The following HS3ST3A1 variants were observed in gnomAD, a reference collection of about 807,000 sequenced individuals.
HS3ST3A1 encodes the protein heparan sulfate glucosamine 3-O-sulfotransferase 3A1.
A neutral mutation model predicts 25.7 loss-of-function variants in HS3ST3A1; 19 were observed. The ratio of observed to expected loss-of-function variants is 0.74; its 90% CI spans 0.52 to 1.08. HS3ST3A1 has a LOEUF of 1.08. Ranked by LOEUF, HS3ST3A1 falls within the 50% of genes least tolerant of loss-of-function variation. The pLI is 0.00. For missense variants in HS3ST3A1, 459 were observed against 594.3 expected, an observed-to-expected ratio of 0.77 and a Z score of 2.37; for synonymous variants, 226 against 278.6, an observed-to-expected ratio of 0.81 and a Z score of 1.88.
intron 1 of HS3ST3A1, among the ~76,000 whole-genome samples, chr17:13,582,512 A>G (rs2142383888): frequency 6.6e-6 from 1 of 152,358 alleles, no homozygotes; most frequent in Middle Eastern, 3.4e-3. Context: ...TATTTAAATG[A>G]ACTATGCTTT....
chr17:13,580,421 T>A (rs1358218745), intron 1 of HS3ST3A1, among the ~76,000 whole-genome samples: 1 of 152,092 alleles, frequency 6.6e-6, no homozygotes, highest in African/African-American at 2.4e-5. Flanking sequence ...AAGTGGTGAA[T>A]GGAAGGTTAT....
At chr17:13,497,418 T>A (rs1905319940) in intron 1 of HS3ST3A1, among the ~76,000 whole-genome samples, 1 of 152,246 alleles carries the variant, frequency 6.6e-6, no homozygotes, top group African/African-American at 2.4e-5. Context: ...GTTGATTCCT[T>A]TCTACATTGG....
chr17:13,577,041 G>A (rs1456182596), intron 1 of HS3ST3A1, among the ~76,000 whole-genome samples: 2 of 152,234 alleles, frequency 1.3e-5, no homozygotes, highest in Non-Finnish European at 2.9e-5. Context: ...GCAAAGGCAT[G>A]CTTTACATGG....
chr17:13,506,859 C>A (rs1354986078), intron 1 of HS3ST3A1, among the ~76,000 whole-genome samples: 1 of 150,984 alleles, frequency 6.6e-6, no homozygotes, highest in Non-Finnish European at 1.5e-5. Context: ...GAGTTCGAGG[C>A]CAGCCTGGGC....
intron 1 of HS3ST3A1, among the ~76,000 whole-genome samples, chr17:13,537,081 G>GCATCCATC (rs369074519): frequency 6.6e-6 from 1 of 152,060 alleles, no homozygotes; most frequent in Admixed American, 6.6e-5. Flanking sequence ...GTGCTTCAGA[G>GCATCCATC]CATCCATCCA....
At chr17:13,527,170 C>T (rs1253316973) in intron 1 of HS3ST3A1, among the ~76,000 whole-genome samples, 1 of 152,164 alleles carries the variant, frequency 6.6e-6, no homozygotes, top group Non-Finnish European at 1.5e-5. Context: ...CCTGGGTCTG[C>T]ACTTACCTTC....
chr17:13,537,166 G>C (rs926612746), intron 1 of HS3ST3A1, among the ~76,000 whole-genome samples: 6 of 152,186 alleles, frequency 3.9e-5, no homozygotes, highest in African/African-American at 1.4e-4. Context: ...TGGAATCATA[G>C]CCTGAGCTCT....
chr17:13,524,211 T>C (rs116178296), intron 1 of HS3ST3A1, among the ~76,000 whole-genome samples: 2,041 of 152,280 alleles, frequency 0.013, 50 homozygotes, highest in African/African-American at 0.046. Context: ...GAAACGACTA[T>C]TTTCTGTGTG....
At chr17:13,511,472 T>C (rs1457449180) in intron 1 of HS3ST3A1, among the ~76,000 whole-genome samples, 1 of 152,152 alleles carries the variant, frequency 6.6e-6, no homozygotes, top group East Asian at 1.9e-4. Context: ...AATAGCCTCT[T>C]GAAGTAAAAG....
intron 1 of HS3ST3A1, among the ~76,000 whole-genome samples, chr17:13,537,796 G>A (rs1264870614): frequency 6.6e-6 from 1 of 152,172 alleles, no homozygotes; most frequent in African/African-American, 2.4e-5. Flanking sequence ...CTACCCTGGA[G>A]GGCAGGTGGT....
intron 1 of HS3ST3A1, among the ~76,000 whole-genome samples, chr17:13,594,145 C>G (rs1036211384): frequency 6.6e-6 from 1 of 152,138 alleles, no homozygotes; most frequent in Non-Finnish European, 1.5e-5. Flanking sequence ...GGAAGATTAC[C>G]GCACAGGTGA....
chr17:13,501,377 T>A (rs72479750), intron 1 of HS3ST3A1, among the ~76,000 whole-genome samples: 24,010 of 152,108 alleles, frequency 0.16, 2,382 homozygotes, highest in East Asian at 0.29. Flanking sequence ...TTTACTACAA[T>A]TTTTTTAAAA....
chr17:13,574,196 C>T (rs8070022), intron 1 of HS3ST3A1, among the ~76,000 whole-genome samples: 8,459 of 148,156 alleles, frequency 0.057, 816 homozygotes, highest in African/African-American at 0.2. Flanking sequence ...TACAGTGGCG[C>T]GATCTCAGCT....
intron 1 of HS3ST3A1, among the ~76,000 whole-genome samples, chr17:13,558,362 A>G (rs11868777): frequency 0.076 from 11,554 of 152,168 alleles, 490 homozygotes; most frequent in Non-Finnish European, 0.093. Flanking sequence ...CTATATACAT[A>G]TGGTATTATT....
intron 1 of HS3ST3A1, among the ~76,000 whole-genome samples, chr17:13,507,920 C>T (rs1010793820): frequency 6.6e-6 from 1 of 152,220 alleles, no homozygotes; most frequent in African/African-American, 2.4e-5. Context: ...GGGCCGAGCC[C>T]ACTCACATCA....
chr17:13,549,043 T>A (rs750648854), intron 1 of HS3ST3A1, among the ~76,000 whole-genome samples: 1 of 152,174 alleles, frequency 6.6e-6, no homozygotes, highest in Non-Finnish European at 1.5e-5. Context: ...GCTTTGTTCT[T>A]TTGCTTTTCA....
chr17:13,567,324 T>A (rs1441449721), intron 1 of HS3ST3A1, among the ~76,000 whole-genome samples: 1 of 152,236 alleles, frequency 6.6e-6, no homozygotes, highest in African/African-American at 2.4e-5. Context: ...TACTCATTGA[T>A]AATGCATCTG....
intron 1 of HS3ST3A1, among the ~76,000 whole-genome samples, chr17:13,522,438 T>C (rs1906277744): frequency 6.6e-6 from 1 of 152,206 alleles, no homozygotes; most frequent in Admixed American, 6.5e-5. Flanking sequence ...TTTTCTACCT[T>C]ATTAACACAA....
rs564237738 is a variant in HS3ST3A1, at chr17:13,495,132, G to T, written c.*1065C>A. ...AGACTCATACCTGTAAGTGCTAATTGAAATCTGTTTCTTTTTTTTTTTTAA... is the reference window on the plus strand; with the variant it reads ...AGACTCATACCTGTAAGTGCTAATTTAAATCTGTTTCTTTTTTTTTTTTAA... On this transcript the variant is annotated 3_prime_UTR_variant, in exon 2 of 2. Transcript: ENST00000284110. Among the ~76,000 whole-genome samples the T allele has an allele frequency of 5.9e-5, 9 of 152,004 alleles. No homozygotes were observed. The highest frequency in any genetic ancestry group is 2.1e-4 in the South Asian group (1 of 4,826).
Sources: allele counts gnomAD v4.1 joint callset (sites outside exome capture counted in the v4.1 genomes callset), GRCh38; gene constraint gnomAD v4.1.1; transcripts MANE v1.5; gene names NCBI Gene and HGNC (gene_info 2026-07-23, HGNC 2026-07-21).